Variants in BOD1L1 observed in about 807,000 individuals in gnomAD.
BOD1L1 encodes the protein biorientation of chromosomes in cell division 1 like 1.
Under a neutral mutation model 240.7 loss-of-function variants are expected in BOD1L1, and 86 were observed. The ratio of observed to expected loss-of-function variants is 0.36; its 90% CI spans 0.30 to 0.43. BOD1L1 has a LOEUF of 0.43. Ranked by LOEUF, BOD1L1 falls within the 20% of genes least tolerant of loss-of-function variation. The pLI, the probability that BOD1L1 is intolerant of heterozygous loss-of-function variation, is 1.00. For missense variants in BOD1L1, 3,554 were observed against 3,643.5 expected (o/e 0.98, Z 0.63); for synonymous variants, 1,268 against 1,272.3 (o/e 1.00, Z 0.07).
Position 13,576,655 on chromosome 4 carries a change from G to A in BOD1L1, c.9038+183C>T, listed in dbSNP as rs570159578. On this transcript the variant is annotated intron_variant, in intron 25 of 25. Transcript: ENST00000040738. ...GACTTTGAGGCAATCCCCCAAAATG[G>A]TTTAGGACAGAAAATGTGTTCTCCA... is the stretch of plus-strand genomic sequence containing the variant. Among the ~76,000 whole-genome samples, 4 of 152,224 alleles carry A rather than the reference G, an allele frequency of 2.6e-5. No individual in the cohort carries two copies. The East Asian group carries it at 7.7e-4, about 29-fold the overall frequency.
In BOD1L1 at chr4:13,590,466, G is replaced by T. The variant is rs1714113164; in HGVS notation, c.8149-20C>A. 2.4e-6 allele frequency: 3 copies of T among 1,229,088 alleles called. No homozygotes were observed. Among genetic ancestry groups the T allele is most frequent in the Admixed American group, 2.6e-5 (1 of 39,210 alleles). The allele number at this position is 1,229,088 out of a possible 1,614,324, so 76.1% of individuals were successfully genotyped here. A position where few individuals can be genotyped will look rare whatever the true frequency, so the allele number is the denominator to read the frequency against. On this transcript the variant is annotated intron_variant, in intron 13 of 25. Coordinates refer to ENST00000040738, the MANE Select transcript of BOD1L1 (RefSeq NM_148894.3). ...TTCAACCTAAATATACAATATAAAA[G>T]ATATTTATGGATAGTCTCACAAAAA...
rs1401085820 is a variant in BOD1L1, at chr4:13,600,436, G to A, written c.6464C>T (p.Pro2155Leu). Residue 2155 changes from proline to leucine, a missense_variant, in exon 10 of 26, where the codon CCT becomes CTT. Pro to Leu is a moderately conservative substitution (Grantham distance 98, BLOSUM62 -3). Around this residue, in one of 2 missense-constraint regions of BOD1L1, gnomAD observed 3,393 missense variants for 3,427.1 expected, o/e 0.99. Transcript: ENST00000040738. Reference protein sequence around the residue: ...STSIGEEFELPISSATTIKCA... With the variant: ...STSIGEEFELLISSATTIKCA... The stretch of plus-strand genomic sequence containing the variant: ...CTTGATGGTTGTTGCACTGGAGATA[G>A]GCAATTCGAATTCTTCCCCTATGCT... 6.2e-7 allele frequency: 1 copy of A among 1,613,742 alleles called. No homozygotes were observed. Among genetic ancestry groups the A allele is most frequent in the Admixed American group, 1.7e-5 (1 of 59,996 alleles).
chr4:13,600,209 C>A lies in BOD1L1; in HGVS notation c.6691G>T (p.Val2231Phe). Residue 2231 changes from valine (V) to phenylalanine (F), a missense_variant, in exon 10 of 26, where the codon GTT (valine) becomes TTT (phenylalanine). Val to Phe is a conservative substitution (Grantham distance 50). Around this residue, in one of 2 missense-constraint regions of BOD1L1, gnomAD observed 3,393 missense variants for 3,427.1 expected, o/e 0.99. Coordinates refer to ENST00000040738, the MANE Select transcript of BOD1L1 (RefSeq NM_148894.3). ...TSIAEECEAS[V>F]SGVVVESENE... ...TCACTTTCAACAACTACACCGGAAA[C>A]AGAAGCCTCACATTCTTCTGCTATG... The A allele has an allele frequency of 1.2e-6, 2 of 1,613,998 alleles. No individual in the cohort carries two copies. Among genetic ancestry groups the A allele is most frequent in the African/African-American group, 1.3e-5 (1 of 75,050 alleles).
chr4:13,604,428 G>A lies in BOD1L1; in HGVS notation c.2472C>T (p.Asn824=), dbSNP rs1187492075. ...IKTDENVRKE[N]NKKERRLSAE... ...CTGACAAGCGTCTCTCTTTTTTGTT[G>A]TTTTCTTTACGAACATTCTCATCTG... The change falls in exon 10 of 26, where the codon AAC becomes AAT. Residue 824 remains asparagine, a synonymous_variant. Transcript: ENST00000040738. 2 of 1,570,150 alleles carry A rather than the reference G, an allele frequency of 1.3e-6. No homozygotes were observed. The highest frequency in any genetic ancestry group is 4.3e-5 in the Admixed American group (2 of 46,838).
In BOD1L1 at chr4:13,604,625, G is replaced by A. The variant is rs549085641; in HGVS notation, c.2275C>T (p.Leu759Phe). The stretch of plus-strand genomic sequence containing the variant: ...TTTAAACCTTTCTCAGAAGAGTGAA[G>A]CTCAGTCTCATCACCTGTTTTATGC... ...CMHKTGDETELHSSEKGLKVE... is the reference protein window; with the variant it reads ...CMHKTGDETEFHSSEKGLKVE... Residue 759 changes from leucine (L) to phenylalanine (F), a missense_variant, in exon 10 of 26, where the codon CTT becomes TTT. Transcript: ENST00000040738. The A allele has an allele frequency of 2.1e-5, 33 of 1,578,500 alleles. 1 individual carries two copies. In the South Asian group the frequency reaches 3.5e-4, roughly 17 times the overall value.
At chr4:13,594,497 G>C (rs959761572) in intron 12 of BOD1L1, among the ~76,000 whole-genome samples, 1 of 152,152 alleles carries the variant, frequency 6.6e-6, no homozygotes, top group East Asian at 1.9e-4. Context: ...ATCCACAAGG[G>C]CCAAACTAAC....
rs200912665 is a variant in BOD1L1, at chr4:13,602,381, T to C, written c.4519A>G (p.Thr1507Ala). The C allele has an allele frequency of 9.0e-4, 1,456 of 1,613,980 alleles. 25 individuals are homozygous for C. The South Asian group carries it at 0.015, about 17-fold the overall frequency. Residue 1507 changes from threonine (T) to alanine (A), a missense_variant, in exon 10 of 26, where the codon ACT becomes GCT. Transcript: ENST00000040738. ...GTCTTTTCTGCTCTCCTAGGCCCAGTTGCCACATCCTCAGTTTGTCCGTTC... is the reference window on the plus strand; with the variant it reads ...GTCTTTTCTGCTCTCCTAGGCCCAGCTGCCACATCCTCAGTTTGTCCGTTC... ...QRNGQTEDVATGPRRAEKTSV... is the reference protein window; with the variant it reads ...QRNGQTEDVAAGPRRAEKTSV...
chr4:13,570,876 GA>G (rs1282558015), intron 25 of BOD1L1, among the ~76,000 whole-genome samples: 1 of 152,100 alleles, frequency 6.6e-6, no homozygotes, highest in East Asian at 1.9e-4. Context: ...CCCCCACAGA[GA>G]AATGTGACTT....
intron 22 of BOD1L1, 132 bp downstream of exon 22, chr4:13,579,796 G>A: frequency 1.5e-6 from 1 of 654,256 alleles, no homozygotes. Flanking sequence ...CCAGATACAA[G>A]GACAATTATT....
intron 2 of BOD1L1, among the ~76,000 whole-genome samples, chr4:13,617,958 C>CA (rs1275990531): frequency 6.6e-6 from 1 of 152,168 alleles, no homozygotes; most frequent in Non-Finnish European, 1.5e-5. Context: ...TTCCCTCTTT[C>CA]AAAATGTCTC....
At position 13,619,868 on chromosome 4, in the gene BOD1L1, T is replaced by G. The variant is rs1329862209; in HGVS notation, c.368+75A>C. The G allele has an allele frequency of 3.3e-6, 5 of 1,511,532 alleles. No homozygotes were observed. The African/African-American group carries it at 6.9e-5, about 21-fold the overall frequency. The allele number at this position is 1,511,532 out of a possible 1,614,324, so 93.6% of individuals were successfully genotyped here. A position where few individuals can be genotyped will look rare whatever the true frequency, so the allele number is the denominator to read the frequency against. Reference sequence around the variant, plus strand: ...ACATCATTAGGTGAACAAATATGTATGTAATGCCTCCGCTTTCAGGCAAAG... The same window carrying G: ...ACATCATTAGGTGAACAAATATGTAGGTAATGCCTCCGCTTTCAGGCAAAG... On this transcript the variant is annotated intron_variant, in intron 2 of 25. Transcript: ENST00000040738.
Position 13,614,627 on chromosome 4 carries a change from T to A in BOD1L1, c.743A>T (p.Asp248Val), listed in dbSNP as rs781474890. The change falls in exon 4 of 26, where the codon GAC (aspartate) becomes GTC (valine). Residue 248 changes from aspartate (D) to valine (V), a missense_variant. This residue lies in a region of BOD1L1 where 3,393 missense variants were observed against 3,427.1 expected (regional missense o/e 0.99). Coordinates refer to ENST00000040738, the MANE Select transcript of BOD1L1 (RefSeq NM_148894.3). ...PSQPTTDTSTDKERTSEDMAD... is the reference protein window; with the variant it reads ...PSQPTTDTSTVKERTSEDMAD... ...CATGTCCTCTGAAGTTCTTTCTTTG[T>A]CAGTACTAGTATCAGTGGTTGGCTG... 2.1e-5 allele frequency: 34 copies of A among 1,613,956 alleles called. No individual in the cohort carries two copies. The highest frequency in any genetic ancestry group is 2.8e-5 in the Non-Finnish European group (33 of 1,179,878).
At chr4:13,621,868 T>A (rs1203217683) in intron 1 of BOD1L1, among the ~76,000 whole-genome samples, 2 of 522 alleles carry the variant, frequency 3.8e-3, no homozygotes, top group African/African-American at 3.9e-3. Flanking sequence ...AATTAATTCT[T>A]TTTTTTTTTT....
chr4:13,614,519 G>A lies in BOD1L1; in HGVS notation c.851C>T (p.Pro284Leu), dbSNP rs751539765. The change falls in exon 4 of 26, where the codon CCC (proline) becomes CTC (leucine). Residue 284 changes from proline (P) to leucine (L), a missense_variant. Pro to Leu is a moderately conservative substitution (Grantham distance 98). This residue lies in a region of BOD1L1 where 3,393 missense variants were observed against 3,427.1 expected (regional missense o/e 0.99). Transcript: ENST00000040738. ...ATTTTTAATTTCTTCGACTGGACAG[G>A]GGAGGTCGCTGAACTCTTCAGACTT... is the stretch of plus-strand genomic sequence containing the variant. ...APKSEEFSDL[P>L]CPVEEIKNYT... 9 of 1,613,814 alleles carry A rather than the reference G, an allele frequency of 5.6e-6. No homozygotes were observed. The Admixed American group carries it at 1.2e-4, about 21-fold the overall frequency.
At chr4:13,595,984 G>C (rs1201336733) in intron 11 of BOD1L1, 40 bp from the exon 12 acceptor site, 1 of 1,551,740 alleles carries the variant, frequency 6.4e-7, no homozygotes, top group South Asian at 1.1e-5. Flanking sequence ...GTTAACCAGG[G>C]TTTTTACAAG....
intron 5 of BOD1L1, among the ~76,000 whole-genome samples, chr4:13,611,607 C>G (rs375939295): frequency 6.6e-6 from 1 of 152,346 alleles, no homozygotes; most frequent in African/African-American, 2.4e-5. Flanking sequence ...TTCTGTTTTA[C>G]TATTTAGACT....
chr4:13,582,361 C>G (rs1244417807), intron 18 of BOD1L1, 51 bp from the exon 19 acceptor site: 10 of 1,446,706 alleles, frequency 6.9e-6, no homozygotes, highest in Non-Finnish European at 9.6e-6. Flanking sequence ...GGTCAGCCTT[C>G]CCCACCTTTA....
At position 13,599,246 on chromosome 4, in the gene BOD1L1, G is replaced by A; in HGVS notation, c.7654C>T (p.Leu2552Phe). The A allele has an allele frequency of 6.2e-7, 1 of 1,613,780 alleles. No homozygotes were observed. Among genetic ancestry groups the A allele is most frequent in the South Asian group, 1.1e-5 (1 of 91,062 alleles). Residue 2552 changes from leucine to phenylalanine, a missense_variant, in exon 10 of 26, where the codon CTT becomes TTT. By Grantham distance (22) the Leu-to-Phe change is conservative. This residue lies in a region of BOD1L1 where 3,393 missense variants were observed against 3,427.1 expected (regional missense o/e 0.99). Transcript: ENST00000040738. ...TCAGACCCCTGCTGCTCAGCAGGAA[G>A]AAAGGAATGCTCAGCCACGGTCCCT... ...VQGTVAEHSF[L>F]PAEQQGSEDN...
At chr4:13,574,002 A>C (rs1031462106) in intron 25 of BOD1L1, among the ~76,000 whole-genome samples, 7 of 152,162 alleles carry the variant, frequency 4.6e-5, no homozygotes, top group Admixed American at 2.0e-4. Flanking sequence ...AAAGAGGATA[A>C]AGGTAACTGA....
Sources: gnomAD v4.1 joint callset for allele counts (sites outside exome capture counted in the v4.1 genomes callset) on GRCh38, gnomAD v4.1.1 for gene constraint, gnomAD v4.1.1 regional missense constraint, MANE v1.5 for transcripts, NCBI Gene and HGNC (gene_info 2026-07-23, HGNC 2026-07-21) for gene names.